Variants in NEDD4L observed in about 807,000 individuals in gnomAD.
The protein encoded by NEDD4L is E3 ubiquitin-protein ligase NEDD4-like.
NEDD4L carries 54 observed loss-of-function variants against 148.9 expected under a neutral mutation model. The observed-to-expected ratio is 0.36, with a 90% CI of 0.29 to 0.45. NEDD4L has a LOEUF of 0.45. Ranked by LOEUF, NEDD4L falls within the 20% of genes least tolerant of loss-of-function variation. NEDD4L has a pLI of 1.00. For synonymous variants in NEDD4L, 433 were observed against 440.7 expected, an observed-to-expected ratio of 0.98 and a Z score of 0.22; for missense variants, 856 against 1,233.8, an observed-to-expected ratio of 0.69 and a Z score of 4.59.
intron 5 of NEDD4L, among the ~76,000 whole-genome samples, chr18:58,277,411 C>G (rs17064650): frequency 6.6e-6 from 1 of 152,024 alleles, no homozygotes; most frequent in African/African-American, 2.4e-5. Context: ...CAGATGAGTG[C>G]TTGGCAGGTT....
chr18:58,089,309 A>G (rs899781953), intron 1 of NEDD4L, among the ~76,000 whole-genome samples: 1 of 151,608 alleles, frequency 6.6e-6, no homozygotes, highest in Admixed American at 6.6e-5. Flanking sequence ...AATCTTTTGT[A>G]TTTTTAGTAG....
chr18:58,056,663 C>G (rs1194682043), intron 1 of NEDD4L, among the ~76,000 whole-genome samples: 1 of 152,072 alleles, frequency 6.6e-6, no homozygotes, highest in Admixed American at 6.6e-5. Flanking sequence ...TCACTGCAAC[C>G]TCCACCTCCT....
chr18:58,078,971 G>A (rs1483436695), intron 1 of NEDD4L, among the ~76,000 whole-genome samples: 1 of 152,170 alleles, frequency 6.6e-6, no homozygotes, highest in Non-Finnish European at 1.5e-5. Flanking sequence ...ATGGCTGTTG[G>A]AAGATTAAAT....
intron 2 of NEDD4L, among the ~76,000 whole-genome samples, chr18:58,173,618 CATTTTGCTGT>C: frequency 6.6e-6 from 1 of 152,300 alleles, no homozygotes; most frequent in African/African-American, 2.4e-5. Context: ...AAGTTGTTAG[CATTTTGCTGT>C]ATTTGCTCCA....
chr18:58,320,840 T>G (rs927910196), intron 6 of NEDD4L, among the ~76,000 whole-genome samples: 10 of 152,030 alleles, frequency 6.6e-5, no homozygotes, highest in Non-Finnish European at 4.4e-5. Context: ...GTTGGTTTAA[T>G]AAATGAAAAA....
intron 1 of NEDD4L, among the ~76,000 whole-genome samples, chr18:58,160,577 T>G (rs1311683070): frequency 6.6e-6 from 1 of 152,206 alleles, no homozygotes; most frequent in African/African-American, 2.4e-5. Context: ...GCTAAATATT[T>G]AATTCTACTG....
At chr18:58,192,457 C>A (rs74621970) in intron 2 of NEDD4L, among the ~76,000 whole-genome samples, 2,833 of 152,264 alleles carry the variant, frequency 0.019, 91 homozygotes, top group African/African-American at 0.064. Flanking sequence ...ATTAAATTGT[C>A]TTAAGCAAAG....
intron 5 of NEDD4L, among the ~76,000 whole-genome samples, chr18:58,272,769 T>C (rs1203695963): frequency 6.6e-6 from 1 of 152,230 alleles, no homozygotes; most frequent in Non-Finnish European, 1.5e-5. Flanking sequence ...CTGAATTCCT[T>C]CTGCTGTCCA....
intron 6 of NEDD4L, among the ~76,000 whole-genome samples, chr18:58,318,471 C>T (rs1459931609): frequency 6.6e-6 from 1 of 152,162 alleles, no homozygotes; most frequent in South Asian, 2.1e-4. Flanking sequence ...GTGGGAGGAT[C>T]GCTTGAGCAT....
chr18:58,188,105 G>A (rs1388231337), intron 2 of NEDD4L, among the ~76,000 whole-genome samples: 2 of 152,244 alleles, frequency 1.3e-5, no homozygotes, highest in South Asian at 2.1e-4. Context: ...CCAAGGGGAT[G>A]TGCGGCCAAC....
chr18:58,392,585 A>G (rs996688789), intron 30 of NEDD4L, among the ~76,000 whole-genome samples: 4 of 152,268 alleles, frequency 2.6e-5, no homozygotes, highest in Middle Eastern at 6.8e-3. Flanking sequence ...GATGGAAACA[A>G]TGTGGTCATT....
intron 5 of NEDD4L, among the ~76,000 whole-genome samples, chr18:58,269,123 A>T (rs547374713): frequency 6.6e-6 from 1 of 152,106 alleles, no homozygotes; most frequent in African/African-American, 2.4e-5. Flanking sequence ...TGGAATGCTG[A>T]TGTGTGTTGC....
intron 1 of NEDD4L, among the ~76,000 whole-genome samples, chr18:58,154,720 G>A (rs925361074): frequency 2.6e-5 from 4 of 152,198 alleles, no homozygotes; most frequent in Non-Finnish European, 4.4e-5. Flanking sequence ...CCAGGGAGGC[G>A]GAGGTTGTAG....
chr18:58,237,614 A>G (rs1389333896), intron 2 of NEDD4L, among the ~76,000 whole-genome samples: 6 of 152,208 alleles, frequency 3.9e-5, no homozygotes, highest in Admixed American at 3.9e-4. Flanking sequence ...TTAACAAACT[A>G]TTTAAGCTTA....
intron 2 of NEDD4L, among the ~76,000 whole-genome samples, chr18:58,168,496 GC>G (rs1453622016): frequency 6.6e-6 from 1 of 152,204 alleles, no homozygotes; most frequent in African/African-American, 2.4e-5. Flanking sequence ...GGGAAGAACC[GC>G]AAAGTGACTT....
intron 1 of NEDD4L, among the ~76,000 whole-genome samples, chr18:58,152,827 C>T (rs1402296617): frequency 1.3e-5 from 2 of 152,224 alleles, no homozygotes; most frequent in Non-Finnish European, 2.9e-5. Flanking sequence ...CTGTGCCAGT[C>T]CTGTGGCTTC....
At chr18:58,093,730 G>A (rs970536345) in intron 1 of NEDD4L, among the ~76,000 whole-genome samples, 2 of 152,150 alleles carry the variant, frequency 1.3e-5, no homozygotes, top group African/African-American at 4.8e-5. Context: ...TTACGCCAGA[G>A]GAGGAGAATT....
At chr18:58,210,923 T>G (rs1413210003) in intron 2 of NEDD4L, among the ~76,000 whole-genome samples, 1 of 152,112 alleles carries the variant, frequency 6.6e-6, no homozygotes, top group Non-Finnish European at 1.5e-5. Flanking sequence ...AACACCAGGG[T>G]GATTAACTGT....
intron 13 of NEDD4L, chr18:58,336,065 A>G: frequency 6.5e-6 from 1 of 152,872 alleles, no homozygotes; most frequent in East Asian, 1.9e-4. Context: ...CACACAATGA[A>G]CAAGTTTCCG....
Sources: gnomAD v4.1 joint callset for allele counts (sites outside exome capture counted in the v4.1 genomes callset) on GRCh38, gnomAD v4.1.1 for gene constraint, MANE v1.5 for transcripts, NCBI Gene and HGNC (gene_info 2026-07-23, HGNC 2026-07-21) for gene names.